CPB1: variants seen among roughly 807,000 people sequenced by gnomAD.
CPB1 encodes carboxypeptidase B.
CPB1 carries 53 observed loss-of-function variants against 51.4 expected under a neutral mutation model. The observed-to-expected ratio is 1.03, with a 90% CI of 0.83 to 1.30. The LOEUF is 1.30. Ranked by LOEUF, CPB1 falls within the 50% of genes most tolerant of loss-of-function variation. The pLI, the probability that CPB1 is intolerant of heterozygous loss-of-function variation, is 0.00. For synonymous variants in CPB1, 189 were observed against 186.9 expected (o/e 1.01, Z -0.09); for missense variants, 494 against 516.2 (o/e 0.96, Z 0.42).
At position 148,844,211 on chromosome 3, in the gene CPB1, TAA is replaced by T. The variant is rs1346097194; in HGVS notation, c.577-266_577-265del. 4.6e-5 allele frequency among the ~76,000 whole-genome samples: 7 copies of T among 152,244 alleles called. No individual in the cohort carries two copies. The South Asian group carries it at 1.5e-3, about 32-fold the overall frequency. On this transcript the variant is annotated intron_variant, in intron 6 of 10. Coordinates refer to ENST00000282957, the MANE Select transcript of CPB1 (RefSeq NM_001871.3). ...TGTTCTTTAGAAGTCTTTAATTAAA[TAA>T]GTTTCTCATTAAAGTAAAAAGTTAA... is the stretch of plus-strand genomic sequence containing the variant.
chr3:148,828,002 C>A lies in CPB1; in HGVS notation c.72C>A (p.Gly24=). 7.4e-6 allele frequency: 12 copies of A among 1,613,742 alleles called. No individual in the cohort carries two copies. The African/African-American group carries it at 9.3e-5, about 13-fold the overall frequency. The stretch of plus-strand genomic sequence containing the variant: ...GTGCTTCTATTATCTCATTATTCAG[C>A]GAGAAGGTGTTCCGTGTTAACGTTG... ...SAHHGGEHFE[G]EKVFRVNVED... The change falls in exon 2 of 11, where the codon GGC becomes GGA. Residue 24 remains glycine, a splice_region_variant and synonymous_variant. Transcript: ENST00000282957.
At chr3:148,845,961 A>AT (rs1334535578) in intron 9 of CPB1, among the ~76,000 whole-genome samples, 5 of 151,522 alleles carry the variant, frequency 3.3e-5, no homozygotes, top group South Asian at 2.1e-4. Flanking sequence ...TCACATACAT[A>AT]TTTTTTTTTC....
At position 148,834,556 on chromosome 3, in the gene CPB1, TC is replaced by T; in HGVS notation, c.208del (p.Arg70ValfsTer14). 1 of 1,613,604 alleles carries T rather than the reference TC, an allele frequency of 6.2e-7. No individual in the cohort carries two copies. The highest frequency in any genetic ancestry group is 8.5e-7 in the Non-Finnish European group (1 of 1,179,528). Reference protein sequence around the residue: ...TQIKPHSTVDFRVKAEDTVTV... With the variant: ...TQIKPHSTVDXRVKAEDTVTV... ...ATCAAACCTCACAGTACAGTTGACT[TC>T]CGTGTTAAAGCAGAAGATACTGTCA... is the stretch of plus-strand genomic sequence containing the variant. On this transcript the variant is annotated frameshift_variant, in exon 3 of 11. Transcript: ENST00000282957. LOFTEE classifies it high-confidence loss of function.
intron 3 of CPB1, among the ~76,000 whole-genome samples, chr3:148,836,717 T>C (rs1712916682): frequency 6.6e-6 from 1 of 152,200 alleles, no homozygotes; most frequent in Non-Finnish European, 1.5e-5. Flanking sequence ...CATATAATTT[T>C]CTAAATATTA....
intron 9 of CPB1, among the ~76,000 whole-genome samples, chr3:148,850,444 G>A (rs1279249055): frequency 6.6e-6 from 1 of 152,042 alleles, no homozygotes; most frequent in Non-Finnish European, 1.5e-5. Context: ...TGGGACTACA[G>A]GCACCTGCCA....
At chr3:148,852,469 G>T (rs1166256878) in intron 9 of CPB1, among the ~76,000 whole-genome samples, 5 of 152,148 alleles carry the variant, frequency 3.3e-5, no homozygotes, top group Non-Finnish European at 7.3e-5. Flanking sequence ...AGAGTGCCAA[G>T]GTTGAGAAAC....
intron 2 of CPB1, among the ~76,000 whole-genome samples, chr3:148,828,660 A>G (rs779928574): frequency 4.6e-5 from 7 of 152,230 alleles, no homozygotes; most frequent in Non-Finnish European, 1.0e-4. Context: ...ATATGAGGTG[A>G]GAACTGACAT....
At chr3:148,858,252 G>C (rs1372229559) in intron 10 of CPB1, among the ~76,000 whole-genome samples, 1 of 152,108 alleles carries the variant, frequency 6.6e-6, no homozygotes, top group East Asian at 1.9e-4. Flanking sequence ...TTATCTGAAA[G>C]GATTGTTGCT....
chr3:148,831,120 A>G (rs946215208), intron 2 of CPB1, among the ~76,000 whole-genome samples: 5 of 152,212 alleles, frequency 3.3e-5, no homozygotes, highest in African/African-American at 7.2e-5. Flanking sequence ...GTCATCTATA[A>G]TTGAATATTA....
chr3:148,857,062 G>GTTTTTTTTTT (rs35574359), intron 9 of CPB1: 9 of 48,144 alleles, frequency 1.9e-4, no homozygotes, highest in African/African-American at 8.8e-4. Flanking sequence ...ATTGCCAAGT[G>GTTTTTTTTTT]TTTTTTTTTT....
chr3:148,834,468 G>C, intron 2 of CPB1, 30 bp from the exon 3 acceptor site: 1 of 1,599,072 alleles, frequency 6.3e-7, no homozygotes, highest in Non-Finnish European at 8.6e-7. Flanking sequence ...TTGAATTATA[G>C]GTATCCAATA....
intron 9 of CPB1, chr3:148,851,397 A>T (rs6790741): frequency 2.2e-5 from 3 of 138,444 alleles, no homozygotes; most frequent in African/African-American, 7.9e-5. Flanking sequence ...GAAAGAAAGA[A>T]AAAGAGAAAG....
intron 6 of CPB1, among the ~76,000 whole-genome samples, chr3:148,842,146 G>A (rs1345929611): frequency 6.6e-6 from 1 of 152,046 alleles, no homozygotes; most frequent in Non-Finnish European, 1.5e-5. Flanking sequence ...AGCACTTTGG[G>A]AGGCCAAAAC....
In CPB1 at chr3:148,857,524, C is replaced by T. The variant is rs924029933; in HGVS notation, c.1049C>T (p.Pro350Leu). The change falls in exon 10 of 11, where the codon CCG becomes CTG. Residue 350 changes from proline (P) to leucine (L), a missense_variant. By Grantham distance (98) the Pro-to-Leu change is moderately conservative. Transcript: ENST00000282957. ...SLHGTKYTYG[P>L]GATTIYPAAG... The stretch of plus-strand genomic sequence containing the variant: ...CACGGCACCAAGTACACATATGGCC[C>T]GGGAGCTACAACAATCTGTGAGTCT... 10 of 1,613,512 alleles carry T rather than the reference C, an allele frequency of 6.2e-6. No individual in the cohort carries two copies. The highest frequency in any genetic ancestry group is 6.8e-6 in the Non-Finnish European group (8 of 1,179,686).
At chr3:148,850,684 G>A (rs575520428) in intron 9 of CPB1, among the ~76,000 whole-genome samples, 14 of 152,142 alleles carry the variant, frequency 9.2e-5, no homozygotes, top group African/African-American at 1.9e-4. Flanking sequence ...AAAGATAAAC[G>A]TAAAAATCAG....
At chr3:148,829,429 AG>A (rs1712665090) in intron 2 of CPB1, among the ~76,000 whole-genome samples, 1 of 152,166 alleles carries the variant, frequency 6.6e-6, no homozygotes, top group Non-Finnish European at 1.5e-5. Context: ...GAACACTATG[AG>A]CTTATATTAA....
chr3:148,843,369 A>G (rs1399130711), intron 6 of CPB1, among the ~76,000 whole-genome samples: 2 of 152,008 alleles, frequency 1.3e-5, no homozygotes, highest in Admixed American at 6.6e-5. Flanking sequence ...CTTTAAATAT[A>G]TAATAATATT....
chr3:148,828,188 A>C, intron 2 of CPB1, 111 bp downstream of exon 2: 2 of 885,734 alleles, frequency 2.3e-6, no homozygotes, highest in Non-Finnish European at 1.7e-6. Context: ...TTTTGGTAGC[A>C]AGAAATAAAA....
Position 148,837,116 on chromosome 3 carries a change from C to T in CPB1, c.272+2494C>T, listed in dbSNP as rs142560756. Among the ~76,000 whole-genome samples the T allele has an allele frequency of 5.1e-3, 783 of 152,222 alleles. 11 individuals are homozygous for T. The highest frequency in any genetic ancestry group is 0.015 in the African/African-American group (605 of 41,538). On this transcript the variant is annotated intron_variant, in intron 3 of 10. Coordinates refer to ENST00000282957, the MANE Select transcript of CPB1 (RefSeq NM_001871.3). ...GGAATCAGATAGTGTAAATCTCCAA[C>T]TTATGGTTATGAAGCTAAGTTGACA...
Sources: allele counts gnomAD v4.1 joint callset (sites outside exome capture counted in the v4.1 genomes callset), GRCh38; gene constraint gnomAD v4.1.1; transcripts MANE v1.5; gene names NCBI Gene and HGNC (gene_info 2026-07-23, HGNC 2026-07-21).